Variants in RNF150 observed in about 807,000 individuals in gnomAD.
RNF150 encodes the protein ring finger protein 150.
Under a neutral mutation model 39.3 loss-of-function variants are expected in RNF150, and 24 were observed. The ratio of observed to expected loss-of-function variants is 0.61; its 90% confidence interval spans 0.44 to 0.86. RNF150 has a LOEUF of 0.86. RNF150 is among the 40% of genes least tolerant of loss of function. The pLI is 0.00. For missense variants in RNF150, 502 were observed against 587.8 expected (o/e 0.85, Z 1.51); for synonymous variants, 255 against 227.3 (o/e 1.12, Z -1.10).
chr4:141,113,432 A>G (rs1433537648), intron 1 of RNF150, among the ~76,000 whole-genome samples: 3 of 152,162 alleles, frequency 2.0e-5, no homozygotes, highest in African/African-American at 7.2e-5. Context: ...AGGGCATTAC[A>G]TAACGGTAAA....
In RNF150 at chr4:141,199,202, A is replaced by AT. The variant is rs1221433435; in HGVS notation, c.-6+13591_-6+13592insA. Among the ~76,000 whole-genome samples the AT allele has an allele frequency of 2.0e-5, 3 of 152,194 alleles. No homozygotes were observed. The East Asian group carries it at 5.8e-4, about 29-fold the overall frequency. Reference sequence around the variant, plus strand: ...CACACCTATTAGAATGTCTAAAAAAACACAAACCAACAATACTGAGTGCTA... The same window carrying AT: ...CACACCTATTAGAATGTCTAAAAAAATCACAAACCAACAATACTGAGTGCTA... On this transcript the variant is annotated intron_variant, in intron 1 of 7. Coordinates refer to the RNF150 transcript ENST00000420921.
chr4:141,058,016 C>T (rs900002519), intron 1 of RNF150, among the ~76,000 whole-genome samples: 3 of 152,068 alleles, frequency 2.0e-5, no homozygotes, highest in African/African-American at 7.2e-5. Flanking sequence ...GCTATGAACT[C>T]CCAGATGAAG....
At chr4:141,047,017 G>A (rs1736603671) in intron 1 of RNF150, among the ~76,000 whole-genome samples, 1 of 151,988 alleles carries the variant, frequency 6.6e-6, no homozygotes, top group African/African-American at 2.4e-5. Context: ...TCAGGCTCAC[G>A]AATAGAAATT....
chr4:141,194,614 T>C (rs1020186092), intron 1 of RNF150, among the ~76,000 whole-genome samples: 1 of 152,158 alleles, frequency 6.6e-6, no homozygotes, highest in Non-Finnish European at 1.5e-5. Flanking sequence ...AGGGTAGGGA[T>C]GGGCTGTTAT....
At chr4:140,920,090 G>A (rs865997804) in intron 5 of RNF150, among the ~76,000 whole-genome samples, 25 of 150,656 alleles carry the variant, frequency 1.7e-4, no homozygotes, top group Admixed American at 2.7e-4. Context: ...AACCCTAGAA[G>A]AAAACCTAGG....
chr4:141,184,026 A>T (rs1177278126), intron 1 of RNF150, among the ~76,000 whole-genome samples: 4 of 152,166 alleles, frequency 2.6e-5, no homozygotes, highest in Non-Finnish European at 5.9e-5. Context: ...TATACCCAGT[A>T]ATGGGATTGC....
intron 1 of RNF150, among the ~76,000 whole-genome samples, chr4:141,010,176 G>C (rs560908372): frequency 6.6e-6 from 1 of 152,308 alleles, no homozygotes; most frequent in South Asian, 2.1e-4. Flanking sequence ...CAAGTGATTA[G>C]CAGTAAAACC....
chr4:141,032,498 T>C (rs1735986403), intron 1 of RNF150, among the ~76,000 whole-genome samples: 1 of 152,168 alleles, frequency 6.6e-6, no homozygotes, highest in East Asian at 1.9e-4. Flanking sequence ...GATGAATATG[T>C]TACCTCTGTG....
chr4:141,105,638 T>C (rs1366076132), intron 1 of RNF150, among the ~76,000 whole-genome samples: 1 of 152,182 alleles, frequency 6.6e-6, no homozygotes, highest in Non-Finnish European at 1.5e-5. Context: ...CAATCTCAAA[T>C]TTAAAATGCC....
intron 2 of RNF150, among the ~76,000 whole-genome samples, chr4:140,953,826 T>A (rs1014216052): frequency 2.0e-5 from 3 of 152,138 alleles, no homozygotes; most frequent in African/African-American, 7.2e-5. Flanking sequence ...AGTAAAAACA[T>A]AAACATTCTT....
intron 1 of RNF150, among the ~76,000 whole-genome samples, chr4:141,169,187 T>C (rs999346931): frequency 3.9e-5 from 6 of 152,098 alleles, no homozygotes; most frequent in Non-Finnish European, 8.8e-5. Context: ...CTGTATAGCG[T>C]GTGAGTTCTC....
intron 1 of RNF150, among the ~76,000 whole-genome samples, chr4:141,102,599 C>T (rs959706656): frequency 6.6e-6 from 1 of 152,178 alleles, no homozygotes; most frequent in African/African-American, 2.4e-5. Context: ...ATCCTCAAAC[C>T]ACTCTACAGA....
intron 6 of RNF150, among the ~76,000 whole-genome samples, chr4:140,883,004 AT>A (rs200083686): frequency 7.8e-4 from 114 of 145,730 alleles, no homozygotes; most frequent in Admixed American, 2.3e-3. Flanking sequence ...AGTTTTGTTC[AT>A]TTTTTTTTGT....
intron 1 of RNF150, among the ~76,000 whole-genome samples, chr4:141,036,766 T>G (rs1390752811): frequency 6.6e-6 from 1 of 152,194 alleles, no homozygotes; most frequent in African/African-American, 2.4e-5. Flanking sequence ...TGTTGATATA[T>G]AAATTTATCT....
intron 2 of RNF150, among the ~76,000 whole-genome samples, chr4:140,963,099 T>C (rs1733103374): frequency 6.6e-6 from 1 of 152,130 alleles, no homozygotes; most frequent in African/African-American, 2.4e-5. Flanking sequence ...ACTTGTCTTT[T>C]TCAGAATTTT....
chr4:141,107,938 TG>T (rs1739266288), intron 1 of RNF150, among the ~76,000 whole-genome samples: 1 of 152,236 alleles, frequency 6.6e-6, no homozygotes, highest in Admixed American at 6.5e-5. Flanking sequence ...TCATATCTTT[TG>T]GTTGTCCTTT....
intron 1 of RNF150, among the ~76,000 whole-genome samples, chr4:141,155,603 A>ATGAG (rs1405024410): frequency 3.3e-5 from 5 of 152,202 alleles, no homozygotes; most frequent in African/African-American, 1.2e-4. Context: ...GTATGCAAGT[A>ATGAG]TGAGTAGTAA....
intron 1 of RNF150, among the ~76,000 whole-genome samples, chr4:141,198,519 C>G (rs1042403562): frequency 6.6e-6 from 1 of 152,166 alleles, no homozygotes; most frequent in Non-Finnish European, 1.5e-5. Flanking sequence ...AAAAGGTGAA[C>G]ATATGATTCC....
intron 6 of RNF150, among the ~76,000 whole-genome samples, chr4:140,868,696 A>C (rs927382817): frequency 5.3e-5 from 8 of 152,236 alleles, no homozygotes; most frequent in African/African-American, 1.9e-4. Context: ...AAAGATTGTT[A>C]CATATGCGTA....
Sources: gnomAD v4.1 joint callset for allele counts (sites outside exome capture counted in the v4.1 genomes callset) on GRCh38, gnomAD v4.1.1 for gene constraint, MANE v1.5 for transcripts, NCBI Gene and HGNC (gene_info 2026-07-23, HGNC 2026-07-21) for gene names.